MTFMT: variants seen among roughly 807,000 people sequenced by gnomAD.
The protein encoded by MTFMT is methionyl-tRNA formyltransferase, mitochondrial.
In MTFMT, 47 loss-of-function variants were observed where a neutral mutation model predicts 51.8. The observed-to-expected ratio is 0.91, with a 90% CI of 0.72 to 1.16. The LOEUF (loss-of-function observed/expected upper bound fraction) is 1.16. Ranked by LOEUF, MTFMT falls within the 50% of genes most tolerant of loss-of-function variation. The pLI is 0.00. For synonymous variants in MTFMT, 196 were observed against 176.7 expected (o/e 1.11, Z -0.87); for missense variants, 512 against 482.3 (o/e 1.06, Z -0.58).
rs534457575 is a variant in MTFMT at position 65,025,158 on chromosome 15, G to T, written c.420-1364C>A. On this transcript the variant is annotated intron_variant, in intron 2 of 8. Coordinates refer to ENST00000220058, the MANE Select transcript of MTFMT (RefSeq NM_139242.4). Reference sequence around the variant, plus strand: ...GCCTGTAATCCCAAAACTTTGGGAGGCCAAGGCAGGAAGATCACATGCAGC... The same window carrying T: ...GCCTGTAATCCCAAAACTTTGGGAGTCCAAGGCAGGAAGATCACATGCAGC... Among the ~76,000 whole-genome samples, 41 of 151,224 alleles carry T rather than the reference G, an allele frequency of 2.7e-4. 1 individual carries two copies. The East Asian group carries it at 5.3e-3, about 20-fold the overall frequency.
At chr15:65,027,975 T>C (rs1416857544) in intron 1 of MTFMT, among the ~76,000 whole-genome samples, 4 of 152,230 alleles carry the variant, frequency 2.6e-5, no homozygotes, top group Admixed American at 1.3e-4. Flanking sequence ...CCTCATCCTT[T>C]CTACCTGCTG....
rs568126075 is a variant in MTFMT at position 65,002,794 on chromosome 15, C to T, written c.*268G>A. The stretch of plus-strand genomic sequence containing the variant: ...CCTGACCAACATGGTGAAACCCCAT[C>T]TCTACTAAAAATACAAAAATTAGCT... On this transcript the variant is annotated 3_prime_UTR_variant, in exon 9 of 9. Coordinates refer to ENST00000220058, the MANE Select transcript of MTFMT (RefSeq NM_139242.4). The T allele has an allele frequency of 1.6e-5, 3 of 191,832 alleles. No individual in the cohort carries two copies. Among genetic ancestry groups the T allele is most frequent in the South Asian group, 1.3e-4 (1 of 7,760 alleles). The allele number at this position is 191,832 out of a possible 1,614,324, so 11.9% of individuals were successfully genotyped here. A position where few individuals can be genotyped will look rare whatever the true frequency, so the allele number is the denominator to read the frequency against.
intron 5 of MTFMT, among the ~76,000 whole-genome samples, chr15:65,018,255 G>A (rs555632165): frequency 6.6e-6 from 1 of 151,712 alleles, no homozygotes; most frequent in South Asian, 2.1e-4. Context: ...AAGTTTTGAA[G>A]GCAGTAATCT....
intron 6 of MTFMT, among the ~76,000 whole-genome samples, chr15:65,011,108 G>T (rs1181516656): frequency 6.6e-6 from 1 of 151,970 alleles, no homozygotes; most frequent in Non-Finnish European, 1.5e-5. Flanking sequence ...GATCACCTGA[G>T]GATAGGAGTT....
At chr15:65,011,417 T>C (rs1036603523) in intron 6 of MTFMT, among the ~76,000 whole-genome samples, 1 of 151,940 alleles carries the variant, frequency 6.6e-6, no homozygotes, top group Non-Finnish European at 1.5e-5. Flanking sequence ...TAAGAATTCT[T>C]TACTCTGGAT....
At chr15:65,003,845 CAAAAAAAAA>C (rs768884218) in intron 8 of MTFMT, among the ~76,000 whole-genome samples, 1 of 40,632 alleles carries the variant, frequency 2.5e-5, no homozygotes, top group Non-Finnish European at 4.5e-5. Context: ...AACTCCATCT[CAAAAAAAAA>C]AAAAAAAAAA....
chr15:65,028,402 G>A (rs900780774), intron 1 of MTFMT, among the ~76,000 whole-genome samples: 1 of 152,158 alleles, frequency 6.6e-6, no homozygotes, highest in Admixed American at 6.5e-5. Context: ...GGGACAGCGC[G>A]AGACCTCGCC....
At chr15:65,027,683 CTATA>C (rs1467732853) in intron 1 of MTFMT, among the ~76,000 whole-genome samples, 1 of 152,006 alleles carries the variant, frequency 6.6e-6, no homozygotes, top group African/African-American at 2.4e-5. Context: ...TTTAACAATG[CTATA>C]TATGCTATTA....
chr15:65,019,648 AT>A (rs147266817), intron 5 of MTFMT, among the ~76,000 whole-genome samples: 4,080 of 152,076 alleles, frequency 0.027, 102 homozygotes, highest in South Asian at 0.13. Context: ...AAAAAGAGGA[AT>A]TTTTTTTAGA....
chr15:65,025,036 TTGAG>T (rs1566944415), intron 2 of MTFMT, among the ~76,000 whole-genome samples: 1 of 152,100 alleles, frequency 6.6e-6, no homozygotes, highest in African/African-American at 2.4e-5. Flanking sequence ...TGGCCTTTTA[TTGAG>T]TAAGACAGAA....
At chr15:65,020,355 G>T in intron 4 of MTFMT, 83 bp from the exon 5 acceptor site, 1 of 1,118,262 alleles carries the variant, frequency 8.9e-7, no homozygotes, top group Non-Finnish European at 1.3e-6. Flanking sequence ...TCAGCACCAT[G>T]AAATAACCTA....
At chr15:65,006,317 G>T in intron 6 of MTFMT, 126 bp from the exon 7 acceptor site, 20 of 595,298 alleles carry the variant, frequency 3.4e-5, no homozygotes, top group Non-Finnish European at 4.6e-5. Flanking sequence ...CAGTCACTAA[G>T]TTTGATGGAA....
intron 6 of MTFMT, among the ~76,000 whole-genome samples, chr15:65,010,916 G>C (rs2086258698): frequency 6.6e-6 from 1 of 152,166 alleles, no homozygotes; most frequent in East Asian, 1.9e-4. Flanking sequence ...ATCCTAATGG[G>C]TGTGAAGTGG....
At chr15:65,009,239 G>A (rs1304777435) in intron 6 of MTFMT, among the ~76,000 whole-genome samples, 4 of 152,166 alleles carry the variant, frequency 2.6e-5, no homozygotes, top group Non-Finnish European at 5.9e-5. Flanking sequence ...AAGATAAACC[G>A]CAGAGGGTAA....
At chr15:65,020,498 G>A (rs541786686) in intron 4 of MTFMT, among the ~76,000 whole-genome samples, 22 of 152,274 alleles carry the variant, frequency 1.4e-4, no homozygotes, top group Non-Finnish European at 4.4e-5. Flanking sequence ...TGTGAGGATA[G>A]GTGTCTACTT....
At chr15:65,004,770 G>C in intron 8 of MTFMT, 84 bp downstream of exon 8, 1 of 827,080 alleles carries the variant, frequency 1.2e-6, no homozygotes, top group Non-Finnish European at 1.8e-6. Flanking sequence ...GCAGTTAAGT[G>C]AAGTTCCAAC....
Position 65,026,907 on chromosome 15 carries a change from A to T in MTFMT, c.343T>A (p.Ser115Thr), listed in dbSNP as rs556724585. The change falls in exon 2 of 9, where the codon TCT becomes ACT. Residue 115 changes from serine to threonine, a missense_variant. Physicochemically the swap from Ser to Thr is moderately conservative, Grantham distance 58. Transcript: ENST00000220058. ...ACTACTCCAACATCATATTCTCCAGATCCCACATCCGGCCACTCATATACG... is the reference window on the plus strand; with the variant it reads ...ACTACTCCAACATCATATTCTCCAGTTCCCACATCCGGCCACTCATATACG... ...LPVYEWPDVG[S>T]GEYDVGVVAS... is the part of the protein sequence containing the mutation. 6.2e-7 allele frequency: 1 copy of T among 1,613,870 alleles called. No homozygotes were observed. The highest frequency in any genetic ancestry group is 1.3e-5 in the African/African-American group (1 of 74,926).
chr15:65,028,618 G>A (rs1402018039), intron 1 of MTFMT, among the ~76,000 whole-genome samples: 3 of 152,020 alleles, frequency 2.0e-5, no homozygotes, highest in Non-Finnish European at 4.4e-5. Context: ...AGTATCTGTA[G>A]GGAAAAGGAG....
intron 3 of MTFMT, among the ~76,000 whole-genome samples, chr15:65,022,139 AAG>A (rs1227928477): frequency 6.6e-6 from 1 of 152,236 alleles, no homozygotes; most frequent in Non-Finnish European, 1.5e-5. Flanking sequence ...CTCAAAGGAT[AAG>A]AGTTTTGCCT....
Sources: allele counts gnomAD v4.1 joint callset (sites outside exome capture counted in the v4.1 genomes callset), GRCh38; gene constraint gnomAD v4.1.1; transcripts MANE v1.5; gene names NCBI Gene and HGNC (gene_info 2026-07-23, HGNC 2026-07-21).